Variants in PCDH15 observed in about 807,000 individuals in gnomAD.
PCDH15 encodes protocadherin-15.
A neutral mutation model predicts 178.5 loss-of-function variants in PCDH15; 129 were observed. The observed-to-expected ratio is 0.72, with a 90% CI of 0.63 to 0.84. The LOEUF is 0.84. PCDH15 is among the 40% of genes least tolerant of loss of function. PCDH15 has a pLI of 0.00. For synonymous variants in PCDH15, 800 were observed against 732.0 expected (o/e 1.09, Z -1.50); for missense variants, 2,230 against 2,099.9 (o/e 1.06, Z -1.21).
At chr10:54,372,622 T>G (rs544470942) in intron 4 of PCDH15, among the ~76,000 whole-genome samples, 102 of 151,968 alleles carry the variant, frequency 6.7e-4, no homozygotes, top group Non-Finnish European at 1.2e-3. Flanking sequence ...AAGAATGCAT[T>G]AGGGAAATTT....
chr10:54,824,588 T>A (rs12414343), intron 3 of PCDH15, among the ~76,000 whole-genome samples: 60,606 of 151,932 alleles, frequency 0.4, 12,445 homozygotes, highest in Admixed American at 0.54. Flanking sequence ...ATTTGTGGAA[T>A]AGGAAGAAAT....
At chr10:54,165,763 A>G (rs1446124225) in intron 13 of PCDH15, among the ~76,000 whole-genome samples, 1 of 152,198 alleles carries the variant, frequency 6.6e-6, no homozygotes, top group African/African-American at 2.4e-5. Context: ...ACTACTCTAC[A>G]TGCAAGGTAG....
intron 8 of PCDH15, among the ~76,000 whole-genome samples, chr10:54,268,360 C>T (rs542350950): frequency 5.1e-4 from 78 of 151,848 alleles, no homozygotes; most frequent in African/African-American, 7.7e-4. Flanking sequence ...TGGACATTGA[C>T]GTAGGCAAAG....
intron 2 of PCDH15, among the ~76,000 whole-genome samples, chr10:55,340,927 A>C (rs923865514): frequency 2.0e-5 from 3 of 151,948 alleles, no homozygotes; most frequent in Non-Finnish European, 2.9e-5. Flanking sequence ...ATTCTTATAG[A>C]CTATAATTTG....
At chr10:55,237,464 G>A (rs1187725099) in intron 1 of PCDH15, among the ~76,000 whole-genome samples, 1 of 152,100 alleles carries the variant, frequency 6.6e-6, no homozygotes, top group East Asian at 1.9e-4. Flanking sequence ...TTTTACAAAT[G>A]TGAAAACTGT....
intron 2 of PCDH15, among the ~76,000 whole-genome samples, chr10:55,549,087 T>C (rs1841950843): frequency 6.6e-6 from 1 of 152,092 alleles, no homozygotes; most frequent in South Asian, 2.1e-4. Context: ...TTTTAAAATA[T>C]AACCAAACAT....
intron 2 of PCDH15, among the ~76,000 whole-genome samples, chr10:55,002,615 A>T (rs1839819880): frequency 7.4e-5 from 1 of 13,522 alleles, no homozygotes; most frequent in Non-Finnish European, 1.8e-4. Context: ...AATCTTGAGC[A>T]TTGACAGCAG....
chr10:53,863,512 A>G (rs946800682), intron 27 of PCDH15, among the ~76,000 whole-genome samples: 8 of 152,120 alleles, frequency 5.3e-5, no homozygotes, highest in African/African-American at 1.9e-4. Context: ...GTTTGGAGAG[A>G]AAACACTCTT....
At chr10:54,185,005 G>A (rs1355073984) in intron 12 of PCDH15, 129 bp downstream of exon 12, 14 of 1,115,654 alleles carry the variant, frequency 1.3e-5, no homozygotes, top group Non-Finnish European at 1.7e-5. Context: ...CTCTGGTATT[G>A]AAAATAATGT....
At chr10:54,380,202 A>G (rs1250650870) in intron 3 of PCDH15, among the ~76,000 whole-genome samples, 4 of 152,138 alleles carry the variant, frequency 2.6e-5, no homozygotes, top group African/African-American at 9.7e-5. Context: ...ATGTTTAAAC[A>G]CAAATGTTGT....
intron 2 of PCDH15, among the ~76,000 whole-genome samples, chr10:55,446,992 TAAAACAGAAGTCATAAAATGGTCAAAG>T (rs1839332709): frequency 6.6e-6 from 1 of 151,752 alleles, no homozygotes; most frequent in Non-Finnish European, 1.5e-5. Context: ...GAGAGACAGA[TAAAACAGAAGTCATAAAATGGTCAAAG>T]AAATAATTTC....
At chr10:55,513,737 C>G (rs141639253) in intron 2 of PCDH15, among the ~76,000 whole-genome samples, 5 of 151,894 alleles carry the variant, frequency 3.3e-5, no homozygotes, top group African/African-American at 1.2e-4. Context: ...TCTGAGTATC[C>G]TTTTCATATT....
Position 53,857,032 on chromosome 10 carries a change from G to A in PCDH15, c.3806+143C>T, listed in dbSNP as rs74619580. 3.0e-3 allele frequency: 1,977 copies of A among 656,340 alleles called. 36 individuals are homozygous for A. In the African/African-American group the frequency reaches 0.032, roughly 11 times the overall value. 40.7% of individuals were successfully genotyped at this position (656,340 alleles called of 1,614,324 possible). On this transcript the variant is annotated intron_variant, in intron 28 of 37. Coordinates refer to ENST00000644397, the MANE Select transcript of PCDH15 (RefSeq NM_001384140.1). ...CACTATTTGGGTGGTTGGCACACTCGAAGCCTAAACCTCACCAATATGCAA... is the reference window on the plus strand; with the variant it reads ...CACTATTTGGGTGGTTGGCACACTCAAAGCCTAAACCTCACCAATATGCAA...
At chr10:55,320,221 C>A (rs1843852390), upstream of PCDH15, among the ~76,000 whole-genome samples, 1 of 152,162 alleles carries the variant, frequency 6.6e-6, no homozygotes, top group Non-Finnish European at 1.5e-5. Context: ...TCCACTGTGC[C>A]ACTGTTGCTG....
intron 2 of PCDH15, among the ~76,000 whole-genome samples, chr10:55,607,543 A>G (rs1215832225): frequency 1.6e-4 from 23 of 142,914 alleles, no homozygotes; most frequent in African/African-American, 5.8e-4. Flanking sequence ...TGTGGCACAT[A>G]TACACCATGG....
chr10:54,414,558 C>G (rs545989346), intron 3 of PCDH15, among the ~76,000 whole-genome samples: 1 of 152,160 alleles, frequency 6.6e-6, no homozygotes, highest in East Asian at 1.9e-4. Flanking sequence ...AATTTTCAGT[C>G]AGTGAATACT....
chr10:54,434,248 A>T, intron 3 of PCDH15, among the ~76,000 whole-genome samples: 1 of 152,068 alleles, frequency 6.6e-6, no homozygotes, highest in African/African-American at 2.4e-5. Context: ...TTACTGAAGA[A>T]AAAATTAATA....
chr10:54,607,417 C>A (rs1034280567), intron 2 of PCDH15, among the ~76,000 whole-genome samples: 1 of 151,832 alleles, frequency 6.6e-6, no homozygotes, highest in African/African-American at 2.4e-5. Flanking sequence ...TAACATGTGG[C>A]ATTATTAAAT....
In PCDH15 at chr10:55,173,341, G is replaced by GTGTGTT. The variant is rs986476786; in HGVS notation, c.-155-6691_-155-6690insAACACA. Reference sequence around the variant, plus strand: ...TGTGTGTGTGTGTGTGTGTGTGTGTGTGTGTATGTGTATGTAGAAGGATGG... The same window carrying GTGTGTT: ...TGTGTGTGTGTGTGTGTGTGTGTGTGTGTGTTTGTGTATGTGTATGTAGAAGGATGG... On this transcript the variant is annotated intron_variant, in intron 1 of 5. Transcript: ENST00000458638. Among the ~76,000 whole-genome samples the GTGTGTT allele has an allele frequency of 2.5e-4, 37 of 146,026 alleles. 2 individuals carry two copies. The highest frequency in any genetic ancestry group is 4.2e-4 in the Non-Finnish European group (28 of 66,666).
Sources: allele counts gnomAD v4.1 joint callset (sites outside exome capture counted in the v4.1 genomes callset), GRCh38; gene constraint gnomAD v4.1.1; transcripts MANE v1.5; gene names NCBI Gene and HGNC (gene_info 2026-07-23, HGNC 2026-07-21).